The following SRBD1 variants were observed in gnomAD, a reference collection of about 807,000 sequenced individuals.
SRBD1 encodes the protein S1 RNA binding domain 1.
Under a neutral mutation model 115.3 loss-of-function variants are expected in SRBD1, and 88 were observed. The ratio of observed to expected loss-of-function variants is 0.76; its 90% confidence interval spans 0.64 to 0.91. The LOEUF (loss-of-function observed/expected upper bound fraction) is 0.91. Ranked by LOEUF, SRBD1 falls within the 40% of genes least tolerant of loss-of-function variation. The pLI is 0.00. For missense variants in SRBD1, 1,385 were observed against 1,177.4 expected, an observed-to-expected ratio of 1.18 and a Z score of -2.58; for synonymous variants, 509 against 407.7, an observed-to-expected ratio of 1.25 and a Z score of -2.99.
intron 19 of SRBD1, among the ~76,000 whole-genome samples, chr2:45,400,229 A>T (rs540443159): frequency 5.9e-5 from 9 of 152,322 alleles, no homozygotes; most frequent in African/African-American, 1.9e-4. Flanking sequence ...AGACAAGCTA[A>T]GATTAAAATC....
At chr2:45,501,575 C>T (rs941759835) in intron 14 of SRBD1, among the ~76,000 whole-genome samples, 3 of 152,160 alleles carry the variant, frequency 2.0e-5, no homozygotes, top group African/African-American at 4.8e-5. Context: ...CCTGGAAAAT[C>T]GAGTCACTCC....
intron 7 of SRBD1, among the ~76,000 whole-genome samples, chr2:45,578,759 A>G (rs945146655): frequency 6.6e-6 from 1 of 152,208 alleles, no homozygotes; most frequent in African/African-American, 2.4e-5. Context: ...AGGCTGAAAA[A>G]GACTAGAGTT....
chr2:45,552,629 C>G (rs899846583), intron 11 of SRBD1, among the ~76,000 whole-genome samples: 2 of 152,104 alleles, frequency 1.3e-5, no homozygotes, highest in African/African-American at 4.8e-5. Flanking sequence ...GAACCAAATT[C>G]CTAATTTTTA....
intron 15 of SRBD1, among the ~76,000 whole-genome samples, chr2:45,481,397 A>G (rs1025953234): frequency 8.5e-5 from 13 of 152,072 alleles, no homozygotes; most frequent in Admixed American, 2.6e-4. Flanking sequence ...GTAGCTCAGG[A>G]AAAGGGAGTC....
intron 19 of SRBD1, among the ~76,000 whole-genome samples, chr2:45,402,922 G>T (rs1164037887): frequency 6.6e-6 from 1 of 152,098 alleles, no homozygotes; most frequent in East Asian, 1.9e-4. Flanking sequence ...AAACAGAGGG[G>T]GTAGTAGTGG....
intron 16 of SRBD1, among the ~76,000 whole-genome samples, chr2:45,432,211 T>A (rs1363073119): frequency 6.6e-6 from 1 of 152,034 alleles, no homozygotes; most frequent in East Asian, 1.9e-4. Context: ...GTATTTTTAG[T>A]ACAGACGTGG....
intron 14 of SRBD1, among the ~76,000 whole-genome samples, chr2:45,519,891 T>C (rs1401802842): frequency 1.3e-5 from 2 of 152,070 alleles, no homozygotes; most frequent in Non-Finnish European, 1.5e-5. Flanking sequence ...CCATTTTACA[T>C]ATGAGGAAAA....
intron 16 of SRBD1, among the ~76,000 whole-genome samples, chr2:45,469,802 T>C (rs1669592966): frequency 6.6e-6 from 1 of 152,212 alleles, no homozygotes; most frequent in Non-Finnish European, 1.5e-5. Flanking sequence ...ATGAAATATC[T>C]GAATTGCAAG....
intron 1 of SRBD1, 93 bp from the exon 2 acceptor site, chr2:45,605,534 A>G: frequency 8.4e-7 from 1 of 1,195,680 alleles, no homozygotes; most frequent in Non-Finnish European, 1.2e-6. Context: ...CTAACATTTC[A>G]TAGGAAAAAA....
intron 16 of SRBD1, among the ~76,000 whole-genome samples, chr2:45,435,200 T>C (rs1668456953): frequency 6.6e-6 from 1 of 152,092 alleles, no homozygotes; most frequent in Non-Finnish European, 1.5e-5. Context: ...TGGTTCCAAG[T>C]CTTTGCTATT....
chr2:45,480,183 T>C lies in SRBD1; in HGVS notation c.1967-3108A>G, dbSNP rs1669917820. Among the ~76,000 whole-genome samples the C allele has an allele frequency of 2.0e-5, 3 of 152,308 alleles. No homozygotes were observed. In the South Asian group the frequency reaches 6.2e-4, roughly 32 times the overall value. On this transcript the variant is annotated intron_variant, in intron 15 of 20. Coordinates refer to ENST00000263736, the MANE Select transcript of SRBD1 (RefSeq NM_018079.5). The stretch of plus-strand genomic sequence containing the variant: ...ACAAGATTAATACTGTTTTCATGCC[T>C]ACTAAAACAACATCCATTCTGCATA...
Position 45,581,778 on chromosome 2 carries a change from T to C in SRBD1, c.848A>G (p.Gln283Arg), listed in dbSNP as rs758541778. 1.9e-6 allele frequency: 3 copies of C among 1,613,462 alleles called. No individual in the cohort carries two copies. Among genetic ancestry groups the C allele is most frequent in the Admixed American group, 3.3e-5 (2 of 59,952 alleles). The change falls in exon 6 of 21, where the codon CAG becomes CGG. Residue 283 changes from glutamine to arginine, a missense_variant. Physicochemically the swap from Gln to Arg is conservative, Grantham distance 43. Coordinates refer to ENST00000263736, the MANE Select transcript of SRBD1 (RefSeq NM_018079.5). Reference sequence around the variant, plus strand: ...CATCTTCCCTTCCTTCTTAATTTTCTGGATTGTACTATGAACTTTCTTTGC... The same window carrying C: ...CATCTTCCCTTCCTTCTTAATTTTCCGGATTGTACTATGAACTTTCTTTGC... ...AVAKKVHSTI[Q>R]KIKKEGKMSE...
intron 16 of SRBD1, among the ~76,000 whole-genome samples, chr2:45,429,946 C>T (rs1668281111): frequency 6.6e-6 from 1 of 152,206 alleles, no homozygotes; most frequent in South Asian, 2.1e-4. Flanking sequence ...AGCAAAGTCT[C>T]AGGACACAAA....
At chr2:45,463,331 A>G (rs936735069) in intron 16 of SRBD1, among the ~76,000 whole-genome samples, 1 of 152,196 alleles carries the variant, frequency 6.6e-6, no homozygotes, top group Admixed American at 6.5e-5. Context: ...AATAATGATG[A>G]TGTCTTCCCC....
intron 16 of SRBD1, chr2:45,447,679 AT>A (rs1236413156): frequency 1.3e-5 from 2 of 152,242 alleles, no homozygotes; most frequent in African/African-American, 4.8e-5. Context: ...CATTAGGCAT[AT>A]AAAACCATGA....
intron 7 of SRBD1, among the ~76,000 whole-genome samples, chr2:45,579,591 A>T (rs1673281647): frequency 6.6e-6 from 1 of 152,134 alleles, no homozygotes; most frequent in Admixed American, 6.5e-5. Flanking sequence ...CTGGGAAAAA[A>T]GATTTGCAAC....
At chr2:45,434,012 A>G (rs568133418) in intron 16 of SRBD1, among the ~76,000 whole-genome samples, 1 of 152,204 alleles carries the variant, frequency 6.6e-6, no homozygotes, top group South Asian at 2.1e-4. Flanking sequence ...GCCAGTGGTC[A>G]TAAGAGGGAA....
intron 14 of SRBD1, chr2:45,546,031 C>T (rs1558468642): frequency 5.1e-6 from 2 of 394,294 alleles, no homozygotes; most frequent in African/African-American, 4.4e-5. Context: ...TAAATATCAG[C>T]CATTATAACT....
intron 2 of SRBD1, among the ~76,000 whole-genome samples, chr2:45,604,730 T>C (rs1674212285): frequency 6.6e-6 from 1 of 152,192 alleles, no homozygotes; most frequent in Admixed American, 6.5e-5. Context: ...ACTTTCTGAC[T>C]ACTCTATCCA....
Sources: allele counts gnomAD v4.1 joint callset (sites outside exome capture counted in the v4.1 genomes callset), GRCh38; gene constraint gnomAD v4.1.1; transcripts MANE v1.5; gene names NCBI Gene and HGNC (gene_info 2026-07-23, HGNC 2026-07-21).